The following CSMD1 variants were observed in gnomAD, a reference collection of about 807,000 sequenced individuals.
CSMD1 encodes the protein CUB and Sushi multiple domains 1, also known as CUB and sushi domain-containing protein 1.
In CSMD1, 213 loss-of-function variants were observed where a neutral mutation model predicts 417.5. That is an observed-to-expected ratio of 0.51 (90% CI 0.46 to 0.57). CSMD1 has a LOEUF of 0.57. CSMD1 is among the 20% of genes least tolerant of loss of function. The pLI is 0.00. For synonymous variants in CSMD1, 2,862 were observed against 1,736.8 expected (o/e 1.65, Z -16.11); for missense variants, 6,923 against 4,529.7 (o/e 1.53, Z -15.17).
At chr8:3,302,611 T>C (rs1356746640) in intron 25 of CSMD1, among the ~76,000 whole-genome samples, 1 of 152,198 alleles carries the variant, frequency 6.6e-6, no homozygotes, top group Non-Finnish European at 1.5e-5. Flanking sequence ...ACAACACAAC[T>C]ACCCTCTTTG....
At chr8:3,371,247 C>A (rs1460980973) in intron 18 of CSMD1, among the ~76,000 whole-genome samples, 1 of 152,168 alleles carries the variant, frequency 6.6e-6, no homozygotes, top group Admixed American at 6.5e-5. Context: ...TTCTGTTTCT[C>A]TGGAGCACAC....
At chr8:4,858,996 C>A (rs1050304041) in intron 1 of CSMD1, among the ~76,000 whole-genome samples, 2 of 150,414 alleles carry the variant, frequency 1.3e-5, no homozygotes, top group East Asian at 3.9e-4. Context: ...GGAGGCATCA[C>A]GCTACCTGAC....
At chr8:4,622,393 C>T (rs937942107) in intron 2 of CSMD1, among the ~76,000 whole-genome samples, 1 of 152,026 alleles carries the variant, frequency 6.6e-6, no homozygotes, top group African/African-American at 2.4e-5. Flanking sequence ...GTCTGTGGGA[C>T]CTTCTGGCGA....
At chr8:4,288,581 T>C (rs1254305610) in intron 3 of CSMD1, among the ~76,000 whole-genome samples, 1 of 152,194 alleles carries the variant, frequency 6.6e-6, no homozygotes, top group Non-Finnish European at 1.5e-5. Context: ...CAAGTTCAGC[T>C]CTACGCATGC....
intron 7 of CSMD1, among the ~76,000 whole-genome samples, chr8:3,671,515 TCA>T (rs1799044375): frequency 3.3e-4 from 1 of 3,004 alleles, no homozygotes; most frequent in African/African-American, 2.4e-3. Context: ...ATATATATGA[TCA>T]TATATATGAT....
chr8:4,681,912 T>C (rs1340913456), intron 1 of CSMD1, among the ~76,000 whole-genome samples: 1 of 152,194 alleles, frequency 6.6e-6, no homozygotes, highest in African/African-American at 2.4e-5. Flanking sequence ...AAGCCCTACC[T>C]CGTGCTTGGT....
At chr8:4,227,348 A>G (rs949499754) in intron 3 of CSMD1, among the ~76,000 whole-genome samples, 4 of 152,112 alleles carry the variant, frequency 2.6e-5, no homozygotes, top group African/African-American at 9.7e-5. Context: ...TGTCCTAATA[A>G]GAGGTCTATT....
At chr8:4,829,926 GCCTTCTGAT>G (rs1800053699) in intron 1 of CSMD1, among the ~76,000 whole-genome samples, 1 of 152,004 alleles carries the variant, frequency 6.6e-6, no homozygotes, top group South Asian at 2.1e-4. Context: ...CTGTTTAGAG[GCCTTCTGAT>G]GTAGAAAGAA....
In CSMD1 at chr8:4,614,841, A is replaced by G. The variant is rs1801386650; in HGVS notation, c.302+22501T>C. On this transcript the variant is annotated intron_variant, in intron 2 of 69. Coordinates refer to ENST00000635120, the MANE Select transcript of CSMD1 (RefSeq NM_033225.6). ...ATAATCAGACATTATTTTTTTAAAA[A>G]TGAATAATATGAAAACCTAAAGATA... Among the ~76,000 whole-genome samples, 4 of 152,236 alleles carry G rather than the reference A, an allele frequency of 2.6e-5. No individual in the cohort carries two copies. The South Asian group carries it at 8.3e-4, about 31-fold the overall frequency.
intron 1 of CSMD1, among the ~76,000 whole-genome samples, chr8:4,745,797 C>T (rs1810913816): frequency 6.6e-6 from 1 of 152,112 alleles, no homozygotes; most frequent in East Asian, 1.9e-4. Flanking sequence ...ACCACAAGTA[C>T]AGTGAGATGC....
chr8:3,491,275 A>G (rs10107364), intron 11 of CSMD1, among the ~76,000 whole-genome samples: 13,207 of 152,210 alleles, frequency 0.087, 739 homozygotes, highest in African/African-American at 0.17. Flanking sequence ...CTCAATGTAC[A>G]CTAGGTTTGT....
chr8:3,230,745 G>C (rs542326257), intron 26 of CSMD1, among the ~76,000 whole-genome samples: 2 of 152,126 alleles, frequency 1.3e-5, no homozygotes, highest in Non-Finnish European at 2.9e-5. Flanking sequence ...GGATCCCATA[G>C]GTGACATTGC....
At chr8:3,751,911 C>A (rs1293206892) in intron 6 of CSMD1, among the ~76,000 whole-genome samples, 3 of 152,264 alleles carry the variant, frequency 2.0e-5, no homozygotes, top group African/African-American at 7.2e-5. Context: ...TGTTAATCAA[C>A]CTAACTGACT....
chr8:4,289,586 C>G (rs1325541892), intron 3 of CSMD1, among the ~76,000 whole-genome samples: 4 of 152,160 alleles, frequency 2.6e-5, no homozygotes, highest in Admixed American at 2.0e-4. Flanking sequence ...TTGTCCAGGT[C>G]TGGCAGTGAC....
intron 3 of CSMD1, among the ~76,000 whole-genome samples, chr8:4,260,165 G>T (rs2656286): frequency 3.9e-5 from 6 of 152,188 alleles, no homozygotes; most frequent in Non-Finnish European, 7.3e-5. Context: ...CCCATCAGGT[G>T]GCATCCTTGC....
chr8:3,468,207 C>A (rs1385280300), intron 12 of CSMD1, among the ~76,000 whole-genome samples: 1 of 152,138 alleles, frequency 6.6e-6, no homozygotes, highest in South Asian at 2.1e-4. Flanking sequence ...TTCAATGGTT[C>A]AGAAATTGTT....
At chr8:4,027,551 C>G (rs558518197) in intron 4 of CSMD1, among the ~76,000 whole-genome samples, 2 of 152,104 alleles carry the variant, frequency 1.3e-5, no homozygotes, top group East Asian at 1.9e-4. Context: ...CCTGTGAAAA[C>G]GTGCCTTCCA....
intron 3 of CSMD1, among the ~76,000 whole-genome samples, chr8:4,198,500 A>C (rs911635005): frequency 1.3e-5 from 2 of 152,102 alleles, no homozygotes; most frequent in African/African-American, 4.8e-5. Flanking sequence ...ATGAGAAAGA[A>C]ATCACTAGGA....
intron 10 of CSMD1, among the ~76,000 whole-genome samples, chr8:3,549,981 T>C (rs1798839027): frequency 6.6e-6 from 1 of 152,012 alleles, no homozygotes; most frequent in Admixed American, 6.5e-5. Flanking sequence ...ACATAAAGAG[T>C]TAATATATGT....
Sources: gnomAD v4.1 joint callset for allele counts (sites outside exome capture counted in the v4.1 genomes callset) on GRCh38, gnomAD v4.1.1 for gene constraint, MANE v1.5 for transcripts, NCBI Gene and HGNC (gene_info 2026-07-23, HGNC 2026-07-21) for gene names.